GFI1B: variants seen among roughly 807,000 people sequenced by gnomAD.
GFI1B encodes the protein growth factor independent 1B transcriptional repressor.
A neutral mutation model predicts 35.3 loss-of-function variants in GFI1B; 20 were observed. The ratio of observed to expected loss-of-function variants is 0.57; its 90% CI spans 0.40 to 0.82. The LOEUF (loss-of-function observed/expected upper bound fraction) is 0.82, where lower values mean the gene tolerates loss of function less well. GFI1B is among the 40% of genes least tolerant of loss of function. GFI1B has a pLI of 0.00. For missense variants in GFI1B, 430 were observed against 446.3 expected (o/e 0.96, Z 0.33); for synonymous variants, 178 against 177.6 (o/e 1.00, Z -0.02).
At chr9:132,948,212 T>C (rs905849688) in intron 1 of GFI1B, among the ~76,000 whole-genome samples, 1 of 151,392 alleles carries the variant, frequency 6.6e-6, no homozygotes, top group Non-Finnish European at 1.5e-5. Context: ...AAAAAAGCAA[T>C]TTTTCTCTTT....
At chr9:132,987,176 C>T (rs56256724) in intron 2 of GFI1B, 106 bp from the exon 3 acceptor site, 65,247 of 1,237,610 alleles carry the variant, frequency 0.053, 2,118 homozygotes, top group Admixed American at 0.12. Context: ...CGGCACGTGG[C>T]TGTCTCTCTG....
At chr9:132,972,489 C>G (rs1180588417) in intron 1 of GFI1B, among the ~76,000 whole-genome samples, 7 of 152,048 alleles carry the variant, frequency 4.6e-5, no homozygotes, top group African/African-American at 1.7e-4. Flanking sequence ...ACTCGGAAGG[C>G]TGAGGCAGGA....
intron 1 of GFI1B, among the ~76,000 whole-genome samples, chr9:132,985,051 A>G (rs1462069815): frequency 1.4e-5 from 2 of 141,210 alleles, no homozygotes; most frequent in East Asian, 2.5e-4. Context: ...GCAGCCTTGC[A>G]TGGCGGCTGG....
At chr9:132,987,074 T>C (rs2132641874) in intron 2 of GFI1B, among the ~76,000 whole-genome samples, 1 of 152,298 alleles carries the variant, frequency 6.6e-6, no homozygotes, top group South Asian at 2.1e-4. Flanking sequence ...AAAAACAGAC[T>C]GGTCCAAAGT....
intron 1 of GFI1B, among the ~76,000 whole-genome samples, chr9:132,970,684 G>T (rs998648823): frequency 3.3e-5 from 5 of 152,050 alleles, no homozygotes; most frequent in Admixed American, 2.0e-4. Flanking sequence ...AATTTCCTGC[G>T]GCAAAATGCT....
intron 1 of GFI1B, among the ~76,000 whole-genome samples, chr9:132,950,190 C>G (rs1204658487): frequency 6.6e-6 from 1 of 152,168 alleles, no homozygotes; most frequent in Non-Finnish European, 1.5e-5. Context: ...TCCTGACAAC[C>G]AACACCACCA....
At chr9:132,984,098 G>A (rs1848932938) in intron 1 of GFI1B, among the ~76,000 whole-genome samples, 1 of 152,236 alleles carries the variant, frequency 6.6e-6, no homozygotes, top group African/African-American at 2.4e-5. Flanking sequence ...GGTTCTAGTT[G>A]ATTTCCTCAT....
At chr9:132,981,942 G>C (rs372555398) in intron 1 of GFI1B, among the ~76,000 whole-genome samples, 1 of 152,138 alleles carries the variant, frequency 6.6e-6, no homozygotes, top group South Asian at 2.1e-4. Context: ...TAGTAGAGAC[G>C]GGGTTTCCCC....
chr9:132,989,656 T>C lies in GFI1B; in HGVS notation c.649-86T>C, dbSNP rs1053082480. The C allele has an allele frequency of 9.9e-6, 11 of 1,107,630 alleles. No individual in the cohort carries two copies. The highest frequency in any genetic ancestry group is 1.5e-5 in the Non-Finnish European group (11 of 741,920). The allele number at this position is 1,107,630 out of a possible 1,614,324, so 68.6% of individuals were successfully genotyped here. A position where few individuals can be genotyped will look rare whatever the true frequency, so the allele number is the denominator to read the frequency against. On this transcript the variant is annotated intron_variant, in intron 5 of 6. Transcript: ENST00000372122. This position sits in a 1 kb window ranked among gnomAD's most constrained non-coding sequence, Gnocchi z 6.2. ...GTCCTGCTCCTCCAGGCCGCCCCAA[T>C]GGAGTGTCCTGTTCCGCAGGGGATC...
chr9:132,958,669 G>T (rs1229870705), intron 1 of GFI1B, among the ~76,000 whole-genome samples: 1 of 152,178 alleles, frequency 6.6e-6, no homozygotes, highest in Non-Finnish European at 1.5e-5. Context: ...TTTGGGCAGG[G>T]ACACACATCC....
chr9:132,970,440 TGCAC>T (rs1002539992), intron 1 of GFI1B, among the ~76,000 whole-genome samples: 8 of 152,138 alleles, frequency 5.3e-5, no homozygotes, highest in East Asian at 1.9e-4. Flanking sequence ...CACGCACGCA[TGCAC>T]GCACGCACGC....
intron 1 of GFI1B, among the ~76,000 whole-genome samples, chr9:132,971,143 T>C (rs1051146722): frequency 6.6e-6 from 1 of 152,160 alleles, no homozygotes; most frequent in Non-Finnish European, 1.5e-5. Flanking sequence ...GGATTATGGG[T>C]GTGAGCCACT....
rs373267051 is a variant in GFI1B at position 132,987,431 on chromosome 9, T to C, written c.238+12T>C. 403 of 1,614,188 alleles carry C rather than the reference T, an allele frequency of 2.5e-4. 8 individuals carry two copies. The South Asian group carries it at 4.2e-3, about 17-fold the overall frequency. ...GGCCCCGGCACCAGGTACCCCGCTGTGACCCACTGTCATTCCCCAGGGAGT... is the reference window on the plus strand; with the variant it reads ...GGCCCCGGCACCAGGTACCCCGCTGCGACCCACTGTCATTCCCCAGGGAGT... On this transcript the variant is annotated intron_variant, in intron 3 of 6. Coordinates refer to ENST00000372122, the MANE Select transcript of GFI1B (RefSeq NM_001377304.1).
At chr9:132,963,046 C>T (rs777075886) in intron 1 of GFI1B, among the ~76,000 whole-genome samples, 2 of 139,216 alleles carry the variant, frequency 1.4e-5, no homozygotes, top group African/African-American at 2.7e-5. Flanking sequence ...GGCGCCACTG[C>T]GCTCCAGCCT....
At chr9:132,968,199 C>CT (rs1403270269) in intron 1 of GFI1B, among the ~76,000 whole-genome samples, 1 of 152,054 alleles carries the variant, frequency 6.6e-6, no homozygotes, top group Non-Finnish European at 1.5e-5. Flanking sequence ...ACTGCAGCCT[C>CT]TATCTCCCAG....
chr9:132,984,373 G>T (rs1013954714), intron 1 of GFI1B, among the ~76,000 whole-genome samples: 2 of 152,156 alleles, frequency 1.3e-5, no homozygotes, highest in Non-Finnish European at 2.9e-5. Flanking sequence ...ACGTGTCCCT[G>T]GGAGATAAGG....
chr9:132,948,556 C>T (rs973971128), intron 1 of GFI1B, among the ~76,000 whole-genome samples: 3 of 152,232 alleles, frequency 2.0e-5, no homozygotes, highest in Non-Finnish European at 4.4e-5. Context: ...GAAGTTCATC[C>T]GCTTGAATTG....
intron 1 of GFI1B, among the ~76,000 whole-genome samples, chr9:132,960,917 C>T (rs141499946): frequency 3.2e-4 from 48 of 152,168 alleles, no homozygotes; most frequent in African/African-American, 9.6e-4. Flanking sequence ...GGCCACACTC[C>T]GCAGCGTGTT....
chr9:132,962,323 G>T (rs1286802173), intron 1 of GFI1B, among the ~76,000 whole-genome samples: 1 of 151,710 alleles, frequency 6.6e-6, no homozygotes, highest in East Asian at 1.9e-4. Context: ...ATTTTTAGTG[G>T]AGACAGGGTT....
Sources: gnomAD v4.1 joint callset for allele counts (sites outside exome capture counted in the v4.1 genomes callset) on GRCh38, gnomAD v4.1.1 for gene constraint, Gnocchi (gnomAD v3.1) non-coding constraint, MANE v1.5 for transcripts, NCBI Gene and HGNC (gene_info 2026-07-23, HGNC 2026-07-21) for gene names.